Variants in ST18 observed in about 807,000 individuals in gnomAD.
The protein encoded by ST18 is ST18 C2H2C-type zinc finger transcription factor, also known as suppression of tumorigenicity 18 protein.
Under a neutral mutation model 110.0 loss-of-function variants are expected in ST18, and 50 were observed. That is an observed-to-expected ratio of 0.45 (90% CI 0.36 to 0.58). The LOEUF (loss-of-function observed/expected upper bound fraction) is 0.58. Among genes scored for constraint, ST18 ranks in the 20% least tolerant of loss-of-function variants. The pLI, the probability that ST18 is intolerant of heterozygous loss-of-function variation, is 0.00. For missense variants in ST18, 1,306 were observed against 1,280.1 expected, an observed-to-expected ratio of 1.02 and a Z score of -0.31; for synonymous variants, 461 against 452.4, an observed-to-expected ratio of 1.02 and a Z score of -0.24.
intron 2 of ST18, among the ~76,000 whole-genome samples, chr8:52,269,060 C>T (rs1013237833): frequency 6.6e-6 from 1 of 152,190 alleles, no homozygotes; most frequent in Non-Finnish European, 1.5e-5. Context: ...AGTTCTACTG[C>T]TGTAACTTAA....
chr8:52,180,334 A>G (rs769162718), intron 8 of ST18, 22 bp from the exon 9 acceptor site: 1 of 1,612,364 alleles, frequency 6.2e-7, no homozygotes, highest in Non-Finnish European at 8.5e-7. Context: ...GAGGAAAATT[A>G]AGAATATGGT....
intron 2 of ST18, among the ~76,000 whole-genome samples, chr8:52,232,237 C>T (rs1397781778): frequency 6.6e-6 from 1 of 152,154 alleles, no homozygotes; most frequent in African/African-American, 2.4e-5. Context: ...CTCAGAACCA[C>T]TTTATAGCTT....
At chr8:52,373,286 T>C (rs940994553) in intron 2 of ST18, among the ~76,000 whole-genome samples, 2 of 152,182 alleles carry the variant, frequency 1.3e-5, no homozygotes, top group African/African-American at 4.8e-5. Context: ...TTGAATCTCA[T>C]GATATCAAGT....
chr8:52,322,462 C>T lies in ST18; in HGVS notation c.-465+86866G>A, dbSNP rs533269271. ...AGAAATTGTGACAATGATATCTGAC[C>T]GACTTGTTTACATCAGAACAACTCT... On this transcript the variant is annotated intron_variant, in intron 2 of 25. Coordinates refer to ENST00000689386, the MANE Select transcript of ST18 (RefSeq NM_001352837.2). Among the ~76,000 whole-genome samples, 7 of 152,230 alleles carry T rather than the reference C, an allele frequency of 4.6e-5. No homozygotes were observed. In the South Asian group the frequency reaches 6.2e-4, roughly 14 times the overall value.
intron 8 of ST18, among the ~76,000 whole-genome samples, chr8:52,197,275 C>A (rs549303845): frequency 6.6e-6 from 1 of 152,322 alleles, no homozygotes; most frequent in South Asian, 2.1e-4. Context: ...CCAGACAACT[C>A]TGGGTGTGTT....
chr8:52,182,101 G>GGAGC lies in ST18; in HGVS notation c.87-1790_87-1789insGCTC, dbSNP rs530259011. Among the ~76,000 whole-genome samples the GGAGC allele has an allele frequency of 3.4e-3, 525 of 152,262 alleles. 3 individuals are homozygous for GGAGC. The highest frequency in any genetic ancestry group is 0.024 in the Middle Eastern group (7 of 294). On this transcript the variant is annotated intron_variant, in intron 8 of 25. Coordinates refer to ENST00000689386, the MANE Select transcript of ST18 (RefSeq NM_001352837.2). ...CCATTATCATGAGCCAAGATTTGTAGCAAATGGGAGAGGCTCCTACGTCAT... is the reference window on the plus strand; with the variant it reads ...CCATTATCATGAGCCAAGATTTGTAGGAGCCAAATGGGAGAGGCTCCTACGTCAT...
chr8:52,122,536 G>T (rs2045357850), intron 23 of ST18, among the ~76,000 whole-genome samples: 1 of 151,994 alleles, frequency 6.6e-6, no homozygotes, highest in African/African-American at 2.4e-5. Context: ...AGGCTGGAGT[G>T]CAGTGGCACG....
At chr8:52,230,443 A>C (rs911501712) in intron 2 of ST18, among the ~76,000 whole-genome samples, 1 of 152,032 alleles carries the variant, frequency 6.6e-6, no homozygotes, top group East Asian at 1.9e-4. Context: ...GTGGTTTAAC[A>C]CTAATTTCTA....
chr8:52,234,132 G>T (rs1490673551), intron 2 of ST18, among the ~76,000 whole-genome samples: 1 of 152,102 alleles, frequency 6.6e-6, no homozygotes, highest in Non-Finnish European at 1.5e-5. Context: ...GCATGTGCAG[G>T]CATTTCCAAA....
intron 15 of ST18, chr8:52,154,445 G>C (rs915647592): frequency 3.9e-5 from 6 of 152,238 alleles, no homozygotes; most frequent in African/African-American, 1.4e-4. Flanking sequence ...AGAATGCCTG[G>C]CAAGCAGCAG....
intron 7 of ST18, among the ~76,000 whole-genome samples, 185 bp downstream of exon 7, chr8:52,214,018 C>A (rs1370548714): frequency 1.3e-5 from 2 of 152,136 alleles, no homozygotes; most frequent in Non-Finnish European, 2.9e-5. Context: ...TTTCTGAGTT[C>A]TTTAACTCCT....
At chr8:52,368,649 G>A (rs1382637475) in intron 2 of ST18, among the ~76,000 whole-genome samples, 4 of 152,126 alleles carry the variant, frequency 2.6e-5, no homozygotes, top group African/African-American at 4.8e-5. Context: ...CCAGGTTTCC[G>A]CATGTGGCGG....
intron 2 of ST18, among the ~76,000 whole-genome samples, chr8:52,389,667 GCATACAC>G (rs1356103691): frequency 6.6e-6 from 1 of 152,156 alleles, no homozygotes; most frequent in African/African-American, 2.4e-5. Flanking sequence ...CTCCCACTCT[GCATACAC>G]CACCAGTGCA....
At chr8:52,341,224 C>T (rs1341768837) in intron 2 of ST18, among the ~76,000 whole-genome samples, 1 of 152,152 alleles carries the variant, frequency 6.6e-6, no homozygotes, top group East Asian at 1.9e-4. Flanking sequence ...TTGCTTTTCA[C>T]TTTGGAGACC....
At chr8:52,386,167 A>C (rs747912800) in intron 2 of ST18, among the ~76,000 whole-genome samples, 1 of 152,240 alleles carries the variant, frequency 6.6e-6, no homozygotes, top group Non-Finnish European at 1.5e-5. Flanking sequence ...AAATAAGACA[A>C]AACATCAGAC....
chr8:52,161,330 C>A (rs776871130), intron 14 of ST18, 45 bp downstream of exon 14: 4 of 1,591,064 alleles, frequency 2.5e-6, no homozygotes, highest in African/African-American at 1.3e-5. Flanking sequence ...TACACCCATA[C>A]ACAAGAAGCA....
At chr8:52,376,617 GT>G (rs1361472953) in intron 2 of ST18, among the ~76,000 whole-genome samples, 230 of 152,220 alleles carry the variant, frequency 1.5e-3, no homozygotes, top group African/African-American at 5.2e-3. Context: ...ATTACTGATG[GT>G]CTGTCTCCCT....
At chr8:52,113,461 T>G (rs1245622775) in intron 25 of ST18, 123 bp from the exon 26 acceptor site, 1 of 1,070,826 alleles carries the variant, frequency 9.3e-7, no homozygotes, top group East Asian at 2.4e-5. Flanking sequence ...TGCATATGAC[T>G]GCTGGGGTTG....
At chr8:52,169,986 A>C (rs757859684) in intron 10 of ST18, among the ~76,000 whole-genome samples, 1 of 152,250 alleles carries the variant, frequency 6.6e-6, no homozygotes, top group Non-Finnish European at 1.5e-5. Context: ...CAAAAGCTCT[A>C]TAAAATTATT....
Sources: gnomAD v4.1 joint callset for allele counts (sites outside exome capture counted in the v4.1 genomes callset) on GRCh38, gnomAD v4.1.1 for gene constraint, MANE v1.5 for transcripts, NCBI Gene and HGNC (gene_info 2026-07-23, HGNC 2026-07-21) for gene names.